The following HDAC9 variants were observed in gnomAD, a reference collection of about 807,000 sequenced individuals.
HDAC9 encodes MEF-2 interacting transcription repressor (MITR) protein.
A neutral mutation model predicts 139.4 loss-of-function variants in HDAC9; 41 were observed. That is an observed-to-expected ratio of 0.29 (90% CI 0.23 to 0.38). The LOEUF (loss-of-function observed/expected upper bound fraction) is 0.38. Among genes scored for constraint, HDAC9 ranks in the 10% least tolerant of loss-of-function variants. The pLI, the probability that HDAC9 is intolerant of heterozygous loss-of-function variation, is 1.00. For missense variants in HDAC9, 1,147 were observed against 1,297.0 expected, an observed-to-expected ratio of 0.88 and a Z score of 1.78; for synonymous variants, 517 against 476.2, an observed-to-expected ratio of 1.09 and a Z score of -1.12.
At chr7:18,245,658 A>G (rs554335406) in intron 2 of HDAC9, among the ~76,000 whole-genome samples, 10 of 152,316 alleles carry the variant, frequency 6.6e-5, no homozygotes, top group African/African-American at 2.4e-4. Flanking sequence ...AGATGTGAGA[A>G]TGAGAAACAA....
chr7:18,835,683 T>G (rs1280865253), intron 20 of HDAC9, 97 bp downstream of exon 20: 2 of 1,497,996 alleles, frequency 1.3e-6, no homozygotes, highest in Admixed American at 3.4e-5. Flanking sequence ...TGCTGGTGTT[T>G]TAAATTACAC....
intron 1 of HDAC9, among the ~76,000 whole-genome samples, chr7:18,476,438 T>C (rs937120158): frequency 5.3e-5 from 8 of 151,916 alleles, no homozygotes; most frequent in African/African-American, 1.7e-4. Context: ...CCCATACTTA[T>C]TAGTTACATG....
intron 1 of HDAC9, among the ~76,000 whole-genome samples, chr7:18,103,183 A>G (rs1782962582): frequency 1.3e-5 from 2 of 152,190 alleles, no homozygotes; most frequent in South Asian, 4.1e-4. Context: ...GTTCACTACC[A>G]TGGGAACAGT....
At chr7:18,609,214 C>T (rs1836398910) in intron 6 of HDAC9, among the ~76,000 whole-genome samples, 1 of 152,084 alleles carries the variant, frequency 6.6e-6, no homozygotes, top group Non-Finnish European at 1.5e-5. Context: ...TGGAAGAGTT[C>T]TATATTGGCA....
At chr7:18,158,464 A>C (rs539657696) in intron 1 of HDAC9, among the ~76,000 whole-genome samples, 4 of 152,210 alleles carry the variant, frequency 2.6e-5, no homozygotes, top group Non-Finnish European at 4.4e-5. Flanking sequence ...ATGTTCATAC[A>C]GCTCTGCTCA....
At chr7:18,547,849 T>A (rs1243129291) in intron 2 of HDAC9, among the ~76,000 whole-genome samples, 2 of 136,604 alleles carry the variant, frequency 1.5e-5, no homozygotes, top group Non-Finnish European at 3.1e-5. Flanking sequence ...CCTTCCTTCC[T>A]TCCTTCCTAC....
intron 2 of HDAC9, among the ~76,000 whole-genome samples, chr7:18,245,696 A>C (rs543671502): frequency 1.2e-3 from 184 of 152,278 alleles, no homozygotes; most frequent in South Asian, 4.4e-3. Context: ...CATTGAAGCT[A>C]AATTTGAGAA....
chr7:18,566,560 T>C (rs1367045615), intron 2 of HDAC9, among the ~76,000 whole-genome samples: 3 of 152,160 alleles, frequency 2.0e-5, no homozygotes, highest in African/African-American at 7.2e-5. Flanking sequence ...GCTTTGGCAG[T>C]AGAGGAAGCC....
chr7:18,088,203 G>A (rs967301646), intron 1 of HDAC9, among the ~76,000 whole-genome samples: 1 of 152,184 alleles, frequency 6.6e-6, no homozygotes, highest in South Asian at 2.1e-4. Flanking sequence ...TGTATGTGGG[G>A]TGTGTATGTG....
intron 17 of HDAC9, among the ~76,000 whole-genome samples, chr7:18,799,679 A>C (rs557691737): frequency 6.6e-6 from 1 of 152,314 alleles, no homozygotes; most frequent in Admixed American, 6.5e-5. Flanking sequence ...AAATGTGAGC[A>C]GGCAGATGAA....
chr7:18,725,538 A>C (rs1019959905), intron 12 of HDAC9, among the ~76,000 whole-genome samples: 1 of 152,294 alleles, frequency 6.6e-6, no homozygotes, highest in African/African-American at 2.4e-5. Flanking sequence ...GAATTCTTGC[A>C]GGAAGGAATA....
chr7:18,493,783 A>T (rs2128136380), upstream of HDAC9, among the ~76,000 whole-genome samples: 1 of 152,062 alleles, frequency 6.6e-6, no homozygotes, highest in Non-Finnish European at 1.5e-5. Context: ...GTAGAATAAA[A>T]AAAAAAAAAG....
rs967028359 is a variant in HDAC9 at position 18,829,129 on chromosome 7, C to G, written c.2323-32C>G. Reference sequence around the variant, plus strand: ...CCCTCTCCTACCCTCTCCATTATATCTGACCATTGAAAACCTGTCTTGTTT... The same window carrying G: ...CCCTCTCCTACCCTCTCCATTATATGTGACCATTGAAAACCTGTCTTGTTT... On this transcript the variant is annotated intron_variant, in intron 17 of 25. Transcript: ENST00000686413. 4.6e-6 allele frequency: 7 copies of G among 1,529,398 alleles called. No individual in the cohort carries two copies. In the African/African-American group the frequency reaches 9.5e-5, roughly 21 times the overall value. 94.7% of individuals were successfully genotyped at this position (1,529,398 alleles called of 1,614,324 possible).
intron 1 of HDAC9, among the ~76,000 whole-genome samples, chr7:18,483,758 T>C (rs1795758049): frequency 6.6e-6 from 1 of 152,200 alleles, no homozygotes; most frequent in African/African-American, 2.4e-5. Flanking sequence ...TGATGCTACA[T>C]TGGCAATTCT....
At chr7:18,486,407 A>G (rs1413195938) in intron 1 of HDAC9, among the ~76,000 whole-genome samples, 1 of 152,138 alleles carries the variant, frequency 6.6e-6, no homozygotes, top group East Asian at 1.9e-4. Flanking sequence ...AAAGGCTTAG[A>G]CCATGTAGGA....
chr7:18,667,103 G>A (rs1795068087), intron 12 of HDAC9: 1 of 985,108 alleles, frequency 1.0e-6, no homozygotes, highest in African/African-American at 1.7e-5. Flanking sequence ...GAATACAGGT[G>A]GTTTTAAATA....
At chr7:18,098,230 CT>C (rs1782633891) in intron 1 of HDAC9, among the ~76,000 whole-genome samples, 1 of 152,178 alleles carries the variant, frequency 6.6e-6, no homozygotes, top group Admixed American at 6.5e-5. Context: ...TGGCTGAGAT[CT>C]TTATGCAATT....
At chr7:18,657,980 A>G (rs926316246) in intron 11 of HDAC9, among the ~76,000 whole-genome samples, 1 of 151,082 alleles carries the variant, frequency 6.6e-6, no homozygotes, top group Admixed American at 6.6e-5. Context: ...ATCTCCTTCC[A>G]CCTCCAGGAG....
At chr7:18,160,907 T>G (rs757657372) in intron 1 of HDAC9, among the ~76,000 whole-genome samples, 1 of 152,106 alleles carries the variant, frequency 6.6e-6, no homozygotes, top group South Asian at 2.1e-4. Context: ...ATAGTAAATA[T>G]CACATTGAAC....
Sources: allele counts gnomAD v4.1 joint callset (sites outside exome capture counted in the v4.1 genomes callset), GRCh38; gene constraint gnomAD v4.1.1; transcripts MANE v1.5; gene names NCBI Gene and HGNC (gene_info 2026-07-23, HGNC 2026-07-21).